ZNF804B: variants seen among roughly 807,000 people sequenced by gnomAD.
ZNF804B encodes zinc finger protein 804B.
In ZNF804B, 80 loss-of-function variants were observed where a neutral mutation model predicts 101.4. That is an observed-to-expected ratio of 0.79 (90% CI 0.66 to 0.95). ZNF804B has a LOEUF of 0.95. ZNF804B is among the 40% of genes least tolerant of loss of function. The pLI is 0.00. For missense variants in ZNF804B, 1,673 were observed against 1,561.9 expected, an observed-to-expected ratio of 1.07 and a Z score of -1.20; for synonymous variants, 622 against 558.8, an observed-to-expected ratio of 1.11 and a Z score of -1.59.
chr7:88,786,782 T>C (rs930806240), intron 1 of ZNF804B, among the ~76,000 whole-genome samples: 1 of 152,136 alleles, frequency 6.6e-6, no homozygotes, highest in African/African-American at 2.4e-5. Flanking sequence ...ATATTGATAA[T>C]GGCCTGTTTA....
chr7:89,311,357 A>G (rs1790648502), intron 2 of ZNF804B, among the ~76,000 whole-genome samples: 1 of 152,212 alleles, frequency 6.6e-6, no homozygotes, highest in Non-Finnish European at 1.5e-5. Flanking sequence ...AGAAATGGTG[A>G]TAATTTTGAA....
At chr7:88,921,015 C>T (rs1792711320) in intron 1 of ZNF804B, among the ~76,000 whole-genome samples, 1 of 151,944 alleles carries the variant, frequency 6.6e-6, no homozygotes, top group Non-Finnish European at 1.5e-5. Flanking sequence ...GATTGTAGCT[C>T]ATGTAATTTT....
intron 1 of ZNF804B, among the ~76,000 whole-genome samples, chr7:89,051,623 TAA>T (rs965413547): frequency 1.4e-4 from 21 of 152,190 alleles, no homozygotes; most frequent in Admixed American, 9.2e-4. Flanking sequence ...TTTCATATAC[TAA>T]GAGTCTATTT....
intron 1 of ZNF804B, among the ~76,000 whole-genome samples, chr7:89,037,080 A>G (rs1788940353): frequency 6.6e-6 from 1 of 152,150 alleles, no homozygotes; most frequent in South Asian, 2.1e-4. Context: ...GACAATTTTA[A>G]CCTAAAGAAA....
chr7:89,228,309 G>C (rs1789128878), intron 2 of ZNF804B, among the ~76,000 whole-genome samples: 1 of 152,120 alleles, frequency 6.6e-6, no homozygotes. Context: ...GGGGACCCCA[G>C]CAGGTTGCCA....
intron 1 of ZNF804B, among the ~76,000 whole-genome samples, chr7:88,977,834 A>C (rs1006764005): frequency 6.6e-6 from 1 of 151,354 alleles, no homozygotes; most frequent in South Asian, 2.1e-4. Flanking sequence ...TTGTGTATTT[A>C]AAGTTTTTTC....
chr7:88,765,270 C>A (rs1341769330), intron 1 of ZNF804B, among the ~76,000 whole-genome samples: 7 of 151,962 alleles, frequency 4.6e-5, no homozygotes, highest in Admixed American at 4.6e-4. Context: ...GGTTTCTGCT[C>A]CATAATTTGG....
At chr7:89,192,953 T>G (rs1261791714) in intron 1 of ZNF804B, among the ~76,000 whole-genome samples, 1 of 152,092 alleles carries the variant, frequency 6.6e-6, no homozygotes, top group Non-Finnish European at 1.5e-5. Context: ...TCAACATCCT[T>G]TCATGTTAAA....
chr7:89,133,046 A>G (rs920220346), intron 1 of ZNF804B, among the ~76,000 whole-genome samples: 1 of 151,968 alleles, frequency 6.6e-6, no homozygotes, highest in Non-Finnish European at 1.5e-5. Flanking sequence ...ACCTAAATCT[A>G]AGAGGGCTCT....
intron 1 of ZNF804B, among the ~76,000 whole-genome samples, chr7:88,939,352 T>C (rs1471812670): frequency 6.6e-6 from 1 of 151,986 alleles, no homozygotes; most frequent in Admixed American, 6.6e-5. Context: ...TTTGTTGTTG[T>C]AATGTTAATA....
chr7:89,334,873 A>G lies in ZNF804B; in HGVS notation c.1891A>G (p.Ile631Val), dbSNP rs1294392825. 3.7e-6 allele frequency: 6 copies of G among 1,613,758 alleles called. No homozygotes were observed. Among genetic ancestry groups the G allele is most frequent in the Non-Finnish European group, 8.5e-7 (1 of 1,179,844 alleles). The change falls in exon 4 of 4, where the codon ATC becomes GTC. Residue 631 changes from isoleucine to valine, a missense_variant. Ile to Val is a conservative substitution (Grantham distance 29, BLOSUM62 3). Transcript: ENST00000333190. ...TGAGGACCTATCTTTTCCTTCCTAC[A>G]TCTCTAGGTTTAAAAAGCATAAATT... ...IDEDLSFPSY[I>V]SRFKKHKLIP...
intron 1 of ZNF804B, among the ~76,000 whole-genome samples, chr7:88,839,299 G>C (rs1333976042): frequency 6.6e-6 from 1 of 151,916 alleles, no homozygotes; most frequent in African/African-American, 2.4e-5. Context: ...TTAGGTACCA[G>C]GCTAAGTGCT....
intron 1 of ZNF804B, among the ~76,000 whole-genome samples, chr7:88,766,026 A>G (rs943052327): frequency 3.3e-5 from 5 of 152,170 alleles, no homozygotes; most frequent in Non-Finnish European, 7.4e-5. Flanking sequence ...TGGTGTTTAA[A>G]TTGGAGCAGG....
intron 1 of ZNF804B, among the ~76,000 whole-genome samples, chr7:89,209,641 T>C (rs1788773155): frequency 6.6e-6 from 1 of 152,212 alleles, no homozygotes; most frequent in African/African-American, 2.4e-5. Flanking sequence ...TATACTTACC[T>C]ACCTACTCTA....
intron 1 of ZNF804B, among the ~76,000 whole-genome samples, chr7:89,029,185 C>T (rs1788792851): frequency 6.7e-6 from 1 of 150,328 alleles, no homozygotes; most frequent in African/African-American, 2.5e-5. Flanking sequence ...CTCACTGTAA[C>T]CTCCACCTCC....
intron 1 of ZNF804B, among the ~76,000 whole-genome samples, chr7:88,776,567 T>TTTG (rs1554334503): frequency 6.9e-6 from 1 of 145,072 alleles, no homozygotes; most frequent in African/African-American, 2.7e-5. Context: ...TTTGTTTTTT[T>TTTG]TTTTTTTTTT....
chr7:88,813,213 G>A (rs1030102429), intron 1 of ZNF804B, among the ~76,000 whole-genome samples: 2 of 151,904 alleles, frequency 1.3e-5, no homozygotes, highest in Non-Finnish European at 2.9e-5. Context: ...GGATCATGAG[G>A]TCATGAGATC....
In ZNF804B at chr7:88,872,203, T is replaced by G. The variant is rs1231813135; in HGVS notation, c.108+112119T>G. On this transcript the variant is annotated intron_variant, in intron 1 of 3. Coordinates refer to ENST00000333190, the MANE Select transcript of ZNF804B (RefSeq NM_181646.5). ...ATAGGCAAACACATTTAATTGGGATTCAGGCGGTTTAAGCACAGTTCAGTA... is the reference window on the plus strand; with the variant it reads ...ATAGGCAAACACATTTAATTGGGATGCAGGCGGTTTAAGCACAGTTCAGTA... Among the ~76,000 whole-genome samples the G allele has an allele frequency of 5.9e-5, 9 of 152,190 alleles. No individual in the cohort carries two copies. In the East Asian group the frequency reaches 1.7e-3, roughly 29 times the overall value.
chr7:88,886,165 AT>A (rs1300508965), intron 1 of ZNF804B, among the ~76,000 whole-genome samples: 1 of 152,126 alleles, frequency 6.6e-6, no homozygotes, highest in Non-Finnish European at 1.5e-5. Flanking sequence ...GCAGTTGTAC[AT>A]TTATTCCAAA....
Sources: gnomAD v4.1 joint callset for allele counts (sites outside exome capture counted in the v4.1 genomes callset) on GRCh38, gnomAD v4.1.1 for gene constraint, MANE v1.5 for transcripts, NCBI Gene and HGNC (gene_info 2026-07-23, HGNC 2026-07-21) for gene names.